GNAQ: variants seen among roughly 807,000 people sequenced by gnomAD.
GNAQ encodes the protein guanine nucleotide-binding protein G(q) subunit alpha.
A neutral mutation model predicts 43.9 loss-of-function variants in GNAQ; 8 were observed. The ratio of observed to expected loss-of-function variants is 0.18; its 90% confidence interval spans 0.11 to 0.33. The LOEUF is 0.33. GNAQ is among the 10% of genes least tolerant of loss of function. The pLI is 1.00. For synonymous variants in GNAQ, 155 were observed against 170.7 expected (o/e 0.91, Z 0.71); for missense variants, 158 against 450.8 (o/e 0.35, Z 5.88).
chr9:77,874,131 A>G (rs1293689325), intron 2 of GNAQ, among the ~76,000 whole-genome samples: 1 of 151,982 alleles, frequency 6.6e-6, no homozygotes, highest in East Asian at 1.9e-4. Context: ...AAAACAAAAA[A>G]ACAAAAAAAC....
intron 1 of GNAQ, among the ~76,000 whole-genome samples, chr9:77,942,140 T>C (rs1317731095): frequency 6.6e-6 from 1 of 152,198 alleles, no homozygotes; most frequent in Non-Finnish European, 1.5e-5. Context: ...AAAAAAGGTC[T>C]ATCCCCTTAC....
At chr9:77,873,479 G>T (rs894198405) in intron 2 of GNAQ, among the ~76,000 whole-genome samples, 1 of 152,200 alleles carries the variant, frequency 6.6e-6, no homozygotes, top group Non-Finnish European at 1.5e-5. Context: ...TCAATAAGCT[G>T]ATCTCCTTAC....
chr9:77,854,858 G>T (rs1406830906), intron 2 of GNAQ, among the ~76,000 whole-genome samples: 3 of 152,146 alleles, frequency 2.0e-5, no homozygotes, highest in Non-Finnish European at 1.5e-5. Flanking sequence ...AATAAGATTT[G>T]CTCACCTAGA....
At chr9:77,804,691 G>A (rs1010028484) in intron 3 of GNAQ, among the ~76,000 whole-genome samples, 1 of 152,036 alleles carries the variant, frequency 6.6e-6, no homozygotes, top group African/African-American at 2.4e-5. Context: ...AGCATGACAC[G>A]GGGTGTGTGT....
chr9:77,856,143 AATACTTTCAT>A (rs1827750966), intron 2 of GNAQ, among the ~76,000 whole-genome samples: 2 of 152,146 alleles, frequency 1.3e-5, no homozygotes, highest in Non-Finnish European at 2.9e-5. Context: ...GGCCTACACA[AATACTTTCAT>A]TATCTGACTG....
intron 1 of GNAQ, among the ~76,000 whole-genome samples, chr9:77,988,307 G>A (rs1042141486): frequency 6.6e-6 from 1 of 152,216 alleles, no homozygotes; most frequent in African/African-American, 2.4e-5. Context: ...GACTGCTGCA[G>A]AAAGAATACC....
At chr9:77,819,837 G>A (rs1033981350) in intron 2 of GNAQ, among the ~76,000 whole-genome samples, 1 of 149,356 alleles carries the variant, frequency 6.7e-6, no homozygotes, top group Admixed American at 6.7e-5. Flanking sequence ...CTCAAAGGAA[G>A]TACAGAGTGA....
At chr9:77,977,072 C>T (rs895338496) in intron 1 of GNAQ, among the ~76,000 whole-genome samples, 24 of 152,156 alleles carry the variant, frequency 1.6e-4, no homozygotes, top group African/African-American at 5.8e-4. Flanking sequence ...TCTCAGAGTA[C>T]CCCTTTTTAT....
intron 1 of GNAQ, among the ~76,000 whole-genome samples, chr9:78,021,228 G>A (rs1273038929): frequency 6.6e-6 from 1 of 151,916 alleles, no homozygotes; most frequent in Non-Finnish European, 1.5e-5. Flanking sequence ...GTCTCACCAT[G>A]TTGCCCAGGC....
rs545118499 is a variant in GNAQ at position 77,927,157 on chromosome 9, C to T, written c.137-4812G>A. On this transcript the variant is annotated intron_variant, in intron 1 of 6. Coordinates refer to ENST00000286548, the MANE Select transcript of GNAQ (RefSeq NM_002072.5). ...ACAACAGGATTCCCACATACAAGTT[C>T]TGCCAAAAATCTGTATTTACTCTAT... 2.6e-5 allele frequency among the ~76,000 whole-genome samples: 4 copies of T among 152,286 alleles called. No individual in the cohort carries two copies. The South Asian group carries it at 8.3e-4, about 32-fold the overall frequency.
At chr9:77,855,644 C>A (rs1450036832) in intron 2 of GNAQ, among the ~76,000 whole-genome samples, 1 of 151,924 alleles carries the variant, frequency 6.6e-6, no homozygotes, top group Admixed American at 6.6e-5. Flanking sequence ...AGCAAGAAAA[C>A]AAATGCCATC....
chr9:77,722,961 A>G (rs11145544), intron 6 of GNAQ, among the ~76,000 whole-genome samples: 10,601 of 152,310 alleles, frequency 0.07, 798 homozygotes, highest in East Asian at 0.26. Flanking sequence ...TTATTAAGAA[A>G]GTGAAAAGCC....
intron 2 of GNAQ, among the ~76,000 whole-genome samples, chr9:77,920,424 CAT>C (rs796990743): frequency 2.0e-5 from 3 of 152,052 alleles, no homozygotes; most frequent in African/African-American, 7.2e-5. Flanking sequence ...ATAGCACACA[CAT>C]GGTAAGTCAG....
chr9:77,871,075 A>G (rs1478149206), intron 2 of GNAQ, among the ~76,000 whole-genome samples: 1 of 152,216 alleles, frequency 6.6e-6, no homozygotes, highest in African/African-American at 2.4e-5. Context: ...CACAGTGTAC[A>G]CTGGAAAAGG....
At chr9:77,978,884 T>C (rs1352558422) in intron 1 of GNAQ, among the ~76,000 whole-genome samples, 1 of 152,000 alleles carries the variant, frequency 6.6e-6, no homozygotes, top group Non-Finnish European at 1.5e-5. Context: ...GGTAAAACCA[T>C]GTCTCTACTA....
In GNAQ at chr9:77,951,067, T is replaced by C. The variant is rs373689908; in HGVS notation, c.137-28722A>G. Among the ~76,000 whole-genome samples, 94 of 150,600 alleles carry C rather than the reference T, an allele frequency of 6.2e-4. No homozygotes were observed. In the South Asian group the frequency reaches 0.019, roughly 30 times the overall value. ...TTGTTTAGGGCACATTTATAAAATA[T>C]GAATACTGAACGCAGTCAAGTGTTC... On this transcript the variant is annotated intron_variant, in intron 1 of 6. Transcript: ENST00000286548.
At chr9:77,860,980 C>A (rs1424807053) in intron 2 of GNAQ, among the ~76,000 whole-genome samples, 1 of 152,090 alleles carries the variant, frequency 6.6e-6, no homozygotes, top group East Asian at 1.9e-4. Context: ...AAAAGAATAC[C>A]CGAGGCTGGA....
intron 2 of GNAQ, among the ~76,000 whole-genome samples, chr9:77,819,017 A>AC (rs1564120097): frequency 1.1e-4 from 17 of 150,796 alleles, no homozygotes; most frequent in African/African-American, 3.9e-4. Context: ...AAAAAAAAAA[A>AC]AAAAAAAAAA....
chr9:78,021,674 CAGCT>C (rs201029267), intron 1 of GNAQ, among the ~76,000 whole-genome samples: 1 of 152,202 alleles, frequency 6.6e-6, no homozygotes, highest in Non-Finnish European at 1.5e-5. Flanking sequence ...ATTGGCCAGC[CAGCT>C]GTCACTGAAA....
Sources: gnomAD v4.1 joint callset for allele counts (sites outside exome capture counted in the v4.1 genomes callset) on GRCh38, gnomAD v4.1.1 for gene constraint, MANE v1.5 for transcripts, NCBI Gene and HGNC (gene_info 2026-07-23, HGNC 2026-07-21) for gene names.